AP3S2: variants seen among roughly 807,000 people sequenced by gnomAD.
AP3S2 encodes the protein adaptor related protein complex 3 subunit sigma 2, also known as AP-3 complex subunit sigma-2.
Under a neutral mutation model 23.4 loss-of-function variants are expected in AP3S2, and 22 were observed. The observed-to-expected ratio is 0.94, with a 90% CI of 0.67 to 1.34. AP3S2 has a LOEUF of 1.34. AP3S2 is among the 40% of genes most tolerant of loss of function. The pLI, the probability that AP3S2 is intolerant of heterozygous loss-of-function variation, is 0.00. For synonymous variants in AP3S2, 86 were observed against 87.1 expected, an observed-to-expected ratio of 0.99 and a Z score of 0.07; for missense variants, 241 against 236.9, an observed-to-expected ratio of 1.02 and a Z score of -0.11.
intron 5 of AP3S2, among the ~76,000 whole-genome samples, chr15:89,837,323 C>T (rs1895217682): frequency 6.6e-6 from 1 of 152,170 alleles, no homozygotes. Flanking sequence ...GAATTACAAA[C>T]CACAAACATG....
Position 89,871,531 on chromosome 15 carries a change from G to A in AP3S2, c.289C>T (p.Leu97=). 6.2e-7 allele frequency: 1 copy of A among 1,613,514 alleles called. No homozygotes were observed. The highest frequency in any genetic ancestry group is 8.5e-7 in the Non-Finnish European group (1 of 1,179,876). Residue 97 remains leucine (L), a synonymous_variant, in exon 4 of 6, where the codon CTG becomes TTG. Transcript: ENST00000336418. ...CACACATTTTCGAAACACTTATCCA[G>A]AGTTTCCACAAAAACCTAGAAAACA... is the stretch of plus-strand genomic sequence containing the variant. ...LDLIQVFVET[L]DKCFENVCEL... is the part of the protein sequence containing the mutation.
chr15:89,855,139 G>GA (rs1895794770), intron 4 of AP3S2, among the ~76,000 whole-genome samples: 1 of 126,622 alleles, frequency 7.9e-6, no homozygotes, highest in African/African-American at 3.0e-5. Flanking sequence ...TGTCTGTGTA[G>GA]AAAGAAGTAG....
intron 4 of AP3S2, among the ~76,000 whole-genome samples, chr15:89,850,478 A>G (rs1031326678): frequency 7.2e-5 from 11 of 152,274 alleles, no homozygotes; most frequent in African/African-American, 2.7e-4. Context: ...ACATGAGCAC[A>G]GGCACATGAG....
At position 89,834,149 on chromosome 15, in the gene AP3S2, G is replaced by A. The variant is rs1037724407; in HGVS notation, c.*1366C>T. 3.3e-5 allele frequency: 5 copies of A among 152,330 alleles called. No individual in the cohort carries two copies. Among genetic ancestry groups the A allele is most frequent in the African/African-American group, 1.2e-4 (5 of 41,456 alleles). 9.4% of individuals were successfully genotyped at this position (152,330 alleles called of 1,614,324 possible). ...ACAAGCAGACCTTGGGGAGGGAGAA[G>A]AGGCAGCCCTGCTCCTAGTCGCAGC... On this transcript the variant is annotated 3_prime_UTR_variant, in exon 6 of 6. Transcript: ENST00000336418.
chr15:89,869,253 G>T (rs1219695722), intron 4 of AP3S2, among the ~76,000 whole-genome samples: 2 of 146,472 alleles, frequency 1.4e-5, no homozygotes, highest in African/African-American at 5.1e-5. Context: ...TTGGGATCCT[G>T]TTGATCTGTG....
intron 4 of AP3S2, among the ~76,000 whole-genome samples, chr15:89,854,519 TG>T (rs1244939388): frequency 3.0e-5 from 1 of 33,284 alleles, no homozygotes; most frequent in Non-Finnish European, 6.1e-5. Context: ...GGGAGGGAGG[TG>T]GGGGGGGTCA....
chr15:89,830,756 C>T lies in AP3S2; in HGVS notation c.*4759G>A, dbSNP rs142771125. On this transcript the variant is annotated 3_prime_UTR_variant, in exon 6 of 6. Coordinates refer to ENST00000336418, the MANE Select transcript of AP3S2 (RefSeq NM_005829.5). ...AACTTCAGAAACCAAACATCCAGTA[C>T]GTCAGAGTGCCATGGGAAAGGTACG... 147 of 152,646 alleles carry T rather than the reference C, an allele frequency of 9.6e-4. 2 individuals are homozygous for T. Among genetic ancestry groups the T allele is most frequent in the East Asian group, 6.0e-3 (31 of 5,184 alleles). 9.5% of individuals were successfully genotyped at this position (152,646 alleles called of 1,614,324 possible).
At chr15:89,877,893 T>C (rs1370639565) in intron 3 of AP3S2, among the ~76,000 whole-genome samples, 1 of 152,214 alleles carries the variant, frequency 6.6e-6, no homozygotes, top group Non-Finnish European at 1.5e-5. Context: ...ATTTTTTTCA[T>C]AAATATCAGA....
chr15:89,853,661 G>A (rs1432148806), intron 4 of AP3S2, among the ~76,000 whole-genome samples: 5 of 132,464 alleles, frequency 3.8e-5, no homozygotes, highest in Non-Finnish European at 8.0e-5. Flanking sequence ...TCTAGGAAGT[G>A]AGGAGCGCCT....
At chr15:89,891,592 G>A (rs1467724494) in intron 1 of AP3S2, among the ~76,000 whole-genome samples, 1 of 151,568 alleles carries the variant, frequency 6.6e-6, no homozygotes, top group Non-Finnish European at 1.5e-5. Context: ...CCGGGAGGCA[G>A]AGGTTACAGT....
At chr15:89,868,517 G>T (rs1393588852) in intron 4 of AP3S2, among the ~76,000 whole-genome samples, 3 of 121,478 alleles carry the variant, frequency 2.5e-5, no homozygotes, top group Admixed American at 7.7e-5. Context: ...GGAGGGAGGT[G>T]GGGGGGTCAG....
At chr15:89,850,463 G>A (rs1044480313) in intron 4 of AP3S2, among the ~76,000 whole-genome samples, 4 of 152,178 alleles carry the variant, frequency 2.6e-5, no homozygotes, top group African/African-American at 9.7e-5. Context: ...AGCACTCTAC[G>A]ATACACATGA....
intron 4 of AP3S2, among the ~76,000 whole-genome samples, chr15:89,844,688 A>G (rs1416121051): frequency 6.6e-6 from 1 of 151,674 alleles, no homozygotes; most frequent in African/African-American, 2.4e-5. Context: ...TTTTGCCATT[A>G]TTGCAAAAAA....
chr15:89,866,012 A>T (rs1031825144), intron 4 of AP3S2, among the ~76,000 whole-genome samples: 1 of 152,152 alleles, frequency 6.6e-6, no homozygotes, highest in African/African-American at 2.4e-5. Flanking sequence ...CTGTAATTCC[A>T]GCACTTTGGG....
chr15:89,881,683 A>C (rs1178727612), intron 3 of AP3S2, among the ~76,000 whole-genome samples: 2 of 152,218 alleles, frequency 1.3e-5, no homozygotes, highest in Non-Finnish European at 2.9e-5. Context: ...ACGTGGAAAA[A>C]GGAAGCATGA....
chr15:89,857,923 C>G lies in AP3S2; in HGVS notation c.345+13552G>C, dbSNP rs140106316. Among the ~76,000 whole-genome samples the G allele has an allele frequency of 1.4e-4, 22 of 152,270 alleles. No individual in the cohort carries two copies. The East Asian group carries it at 4.1e-3, about 28-fold the overall frequency. On this transcript the variant is annotated intron_variant, in intron 4 of 5. Coordinates refer to ENST00000336418, the MANE Select transcript of AP3S2 (RefSeq NM_005829.5). Reference sequence around the variant, plus strand: ...GGATGTGTCACTTCAAGAGCCGGAACACACACATGCCCAGGTAGAAGCATA... The same window carrying G: ...GGATGTGTCACTTCAAGAGCCGGAAGACACACATGCCCAGGTAGAAGCATA...
At chr15:89,844,594 C>T (rs1010693547) in intron 4 of AP3S2, among the ~76,000 whole-genome samples, 1 of 151,918 alleles carries the variant, frequency 6.6e-6, no homozygotes, top group African/African-American at 2.4e-5. Flanking sequence ...AGGGATCCTC[C>T]CGCCTCAGCC....
intron 4 of AP3S2, among the ~76,000 whole-genome samples, chr15:89,849,923 T>A (rs367701458): frequency 6.6e-6 from 1 of 152,062 alleles, no homozygotes; most frequent in Non-Finnish European, 1.5e-5. Context: ...TGAAAACATG[T>A]CGTGTTTGGT....
Position 89,833,250 on chromosome 15 carries a change from T to C in AP3S2, c.*2265A>G, listed in dbSNP as rs1438204610. The C allele has an allele frequency of 6.6e-6, 1 of 152,206 alleles. No individual in the cohort carries two copies. The highest frequency in any genetic ancestry group is 1.5e-5 in the Non-Finnish European group (1 of 68,032). The allele number at this position is 152,206 out of a possible 1,614,324, so 9.4% of individuals were successfully genotyped here. On this transcript the variant is annotated 3_prime_UTR_variant, in exon 6 of 6. Coordinates refer to ENST00000336418, the MANE Select transcript of AP3S2 (RefSeq NM_005829.5). ...ACGACTCTTTGGCTCTTATACTCTA[T>C]GACATGATCACTGGCCACCTTAGAA...
Sources: allele counts gnomAD v4.1 joint callset (sites outside exome capture counted in the v4.1 genomes callset), GRCh38; gene constraint gnomAD v4.1.1; transcripts MANE v1.5; gene names NCBI Gene and HGNC (gene_info 2026-07-23, HGNC 2026-07-21).